Variants in NKAIN1 observed in about 807,000 individuals in gnomAD.
NKAIN1 encodes the protein sodium/potassium transporting ATPase interacting 1, also known as sodium/potassium-transporting ATPase subunit beta-1-interacting protein 1.
A neutral mutation model predicts 31.6 loss-of-function variants in NKAIN1; 13 were observed. The ratio of observed to expected loss-of-function variants is 0.41; its 90% confidence interval spans 0.27 to 0.65. NKAIN1 has a LOEUF of 0.65. NKAIN1 is among the 30% of genes least tolerant of loss of function. The pLI is 0.30. For synonymous variants in NKAIN1, 104 were observed against 109.0 expected (o/e 0.95, Z 0.28); for missense variants, 193 against 262.2 (o/e 0.74, Z 1.82).
chr1:31,211,698 C>T (rs1475881200), intron 1 of NKAIN1, among the ~76,000 whole-genome samples: 1 of 151,618 alleles, frequency 6.6e-6, no homozygotes, highest in Admixed American at 6.6e-5. Context: ...CCTGTAATCC[C>T]AGCACTTTGG....
At chr1:31,200,377 G>A (rs1570459908) in intron 1 of NKAIN1, among the ~76,000 whole-genome samples, 1 of 152,144 alleles carries the variant, frequency 6.6e-6, no homozygotes, top group East Asian at 1.9e-4. Flanking sequence ...GGGGAGATGG[G>A]GAGACTTTGA....
intron 1 of NKAIN1, among the ~76,000 whole-genome samples, chr1:31,215,302 G>A (rs10914327): frequency 0.31 from 47,724 of 152,030 alleles, 9,805 homozygotes; most frequent in African/African-American, 0.59. Context: ...CCAACCCAGG[G>A]CTTCGGGATC....
At chr1:31,211,533 T>C (rs1645469050) in intron 1 of NKAIN1, among the ~76,000 whole-genome samples, 1 of 151,738 alleles carries the variant, frequency 6.6e-6, no homozygotes, top group African/African-American at 2.4e-5. Context: ...GGAGACTTGA[T>C]ATTGTTAAAA....
At chr1:31,221,584 C>T (rs183811280) in intron 1 of NKAIN1, among the ~76,000 whole-genome samples, 79 of 151,990 alleles carry the variant, frequency 5.2e-4, no homozygotes, top group African/African-American at 1.7e-3. Flanking sequence ...TACAGGCACG[C>T]GCCACCAAGC....
chr1:31,194,995 A>G (rs1307821187), intron 1 of NKAIN1, among the ~76,000 whole-genome samples: 1 of 129,538 alleles, frequency 7.7e-6, no homozygotes, highest in Admixed American at 7.9e-5. Context: ...CTTGTCTCGA[A>G]CTCCTGACCT....
At chr1:31,194,420 T>C in intron 1 of NKAIN1, among the ~76,000 whole-genome samples, 1 of 149,742 alleles carries the variant, frequency 6.7e-6, no homozygotes, top group Admixed American at 6.6e-5. Flanking sequence ...TTCCTTTTTT[T>C]TTTTTTTTTT....
At chr1:31,191,721 C>G (rs1202005907) in intron 1 of NKAIN1, among the ~76,000 whole-genome samples, 3 of 152,154 alleles carry the variant, frequency 2.0e-5, no homozygotes, top group African/African-American at 7.2e-5. Flanking sequence ...CTCCTGCCCC[C>G]AAGAGGCTGT....
rs1356059476 is a variant in NKAIN1, at chr1:31,181,604, C to CG, written c.*98dup. The CG allele has an allele frequency of 2.6e-5, 31 of 1,206,018 alleles. No homozygotes were observed. The highest frequency in any genetic ancestry group is 3.3e-5 in the Admixed American group (1 of 30,674). The allele number at this position is 1,206,018 out of a possible 1,614,324, so 74.7% of individuals were successfully genotyped here. ...GGGGTTGGGCACAGGCTGCAGTGAG[C>CG]GCGCGGGCCACCAGGGGGACACGCC... On this transcript the variant is annotated 3_prime_UTR_variant, in exon 7 of 7. Transcript: ENST00000373736.
At chr1:31,234,577 G>A (rs904232914) in intron 1 of NKAIN1, among the ~76,000 whole-genome samples, 1 of 152,126 alleles carries the variant, frequency 6.6e-6, no homozygotes, top group Non-Finnish European at 1.5e-5. Flanking sequence ...CTGTGGGCTA[G>A]AGATGACTCT....
At chr1:31,234,041 G>A (rs887482657) in intron 1 of NKAIN1, among the ~76,000 whole-genome samples, 5 of 152,190 alleles carry the variant, frequency 3.3e-5, no homozygotes, top group Non-Finnish European at 5.9e-5. Flanking sequence ...GAGAACCAGG[G>A]CCATCCCCAG....
intron 1 of NKAIN1, among the ~76,000 whole-genome samples, chr1:31,197,110 T>A (rs1049734448): frequency 6.7e-6 from 1 of 149,526 alleles, no homozygotes; most frequent in Non-Finnish European, 1.5e-5. Context: ...TTTACTTTTT[T>A]TTTTTTTTTT....
chr1:31,235,082 G>A (rs1645684940), intron 1 of NKAIN1, among the ~76,000 whole-genome samples: 1 of 152,196 alleles, frequency 6.6e-6, no homozygotes, highest in South Asian at 2.1e-4. Context: ...ACATATGTAT[G>A]CTCATTTGGT....
chr1:31,231,708 T>C (rs1645650419), intron 1 of NKAIN1, among the ~76,000 whole-genome samples: 1 of 149,458 alleles, frequency 6.7e-6, no homozygotes, highest in South Asian at 2.2e-4. Flanking sequence ...TTTTTTGTAT[T>C]TTTAGTAGAG....
chr1:31,221,032 G>T (rs1290276646), intron 1 of NKAIN1, among the ~76,000 whole-genome samples: 1 of 152,156 alleles, frequency 6.6e-6, no homozygotes, highest in Non-Finnish European at 1.5e-5. Context: ...TGGAGGCAGG[G>T]GACAAGTTGT....
rs188021695 is a variant in NKAIN1 at position 31,212,219 on chromosome 1, C to T, written c.55-24032G>A. Among the ~76,000 whole-genome samples the T allele has an allele frequency of 1.5e-4, 23 of 152,138 alleles. 1 individual carries two copies. The East Asian group carries it at 2.9e-3, about 19-fold the overall frequency. On this transcript the variant is annotated intron_variant, in intron 1 of 6. Transcript: ENST00000373736. Reference sequence around the variant, plus strand: ...AATGGAGAAAGCATAGTTTTTTCAACAAATGTTGCTGGGACAACTGGATAC... The same window carrying T: ...AATGGAGAAAGCATAGTTTTTTCAATAAATGTTGCTGGGACAACTGGATAC...
Position 31,233,397 on chromosome 1 carries a change from C to T in NKAIN1, c.54+6097G>A, listed in dbSNP as rs921871799. Among the ~76,000 whole-genome samples the T allele has an allele frequency of 2.6e-5, 4 of 152,182 alleles. No homozygotes were observed. Among genetic ancestry groups the T allele is most frequent in the Non-Finnish European group, 4.4e-5 (3 of 68,046 alleles). On this transcript the variant is annotated intron_variant, in intron 1 of 6. Transcript: ENST00000373736. This position sits in a 1 kb window ranked among gnomAD's most constrained non-coding sequence, Gnocchi z 4.0. ...TTGGATTTCTCCACCTGCTTCCACT[C>T]CAGCGTCCCACAATACTAGCAGGGG...
At chr1:31,184,335 T>G (rs746807314) in intron 3 of NKAIN1, among the ~76,000 whole-genome samples, 6 of 152,164 alleles carry the variant, frequency 3.9e-5, no homozygotes, top group Non-Finnish European at 7.4e-5. Context: ...GCTCCCCCTG[T>G]GTGCGACCCT....
In NKAIN1 at chr1:31,195,124, CT is replaced by C. The variant is rs112786243; in HGVS notation, c.55-6938del. On this transcript the variant is annotated intron_variant, in intron 1 of 6. Transcript: ENST00000373736. ...TCTCTTCTCTATATATTCCTTCCTC[CT>C]TTTTTTTTTTTTTTTTGAGTCTCGC... 9.2e-3 allele frequency among the ~76,000 whole-genome samples: 1,151 copies of C among 125,398 alleles called. 6 individuals carry two copies. Among genetic ancestry groups the C allele is most frequent in the African/African-American group, 0.023 (773 of 33,588 alleles). The allele number at this position is 125,398 out of a possible 152,430, so 82.3% of individuals were successfully genotyped here.
At chr1:31,217,117 C>T (rs558257307) in intron 1 of NKAIN1, among the ~76,000 whole-genome samples, 12 of 152,020 alleles carry the variant, frequency 7.9e-5, no homozygotes, top group Non-Finnish European at 5.9e-5. Context: ...CCGCCCACCT[C>T]GGCCTCCCAA....
Sources: allele counts gnomAD v4.1 joint callset (sites outside exome capture counted in the v4.1 genomes callset), GRCh38; gene constraint gnomAD v4.1.1; non-coding constraint Gnocchi (gnomAD v3.1); transcripts MANE v1.5; gene names NCBI Gene and HGNC (gene_info 2026-07-23, HGNC 2026-07-21).